GINS2: variants seen among roughly 807,000 people sequenced by gnomAD.
GINS2 encodes GINS complex subunit 2, also known as DNA replication complex GINS protein PSF2.
In GINS2, 23 loss-of-function variants were observed where a neutral mutation model predicts 21.2. That is an observed-to-expected ratio of 1.08 (90% CI 0.78 to 1.53). The LOEUF is 1.53. Ranked by LOEUF, GINS2 falls within the 40% of genes most tolerant of loss-of-function variation. GINS2 has a pLI of 0.00. For synonymous variants in GINS2, 118 were observed against 85.6 expected (o/e 1.38, Z -2.09); for missense variants, 323 against 233.9 (o/e 1.38, Z -2.49).
chr16:85,678,098 C>T lies in GINS2; in HGVS notation c.*114G>A. 2.2e-6 allele frequency: 2 copies of T among 891,260 alleles called. No individual in the cohort carries two copies. The highest frequency in any genetic ancestry group is 3.5e-6 in the Non-Finnish European group (2 of 567,068). The allele number at this position is 891,260 out of a possible 1,614,324, so 55.2% of individuals were successfully genotyped here. The stretch of plus-strand genomic sequence containing the variant: ...CAACATCCTGAATCCATTCCTTGCA[C>T]CATCACACATTTTTCATGCATCAGA... On this transcript the variant is annotated 3_prime_UTR_variant, in exon 5 of 5. Transcript: ENST00000253462.
chr16:85,676,753 G>A lies in GINS2; in HGVS notation c.*1459C>T, dbSNP rs1333275271. ...GCTTGCAATCCCAGTGCTTTGGGAG[G>A]CTGTGGTGGGAGAACTGTGTGAACC... On this transcript the variant is annotated 3_prime_UTR_variant, in exon 5 of 5. Coordinates refer to ENST00000253462, the MANE Select transcript of GINS2 (RefSeq NM_016095.3). 6.6e-6 allele frequency: 1 copy of A among 152,260 alleles called. No homozygotes were observed. Among genetic ancestry groups the A allele is most frequent in the African/African-American group, 2.4e-5 (1 of 41,446 alleles). 9.4% of individuals were successfully genotyped at this position (152,260 alleles called of 1,614,324 possible).
chr16:85,681,715 T>C (rs752785186), intron 2 of GINS2, 34 bp from the exon 3 acceptor site: 49 of 1,293,446 alleles, frequency 3.8e-5, no homozygotes, highest in Non-Finnish European at 5.0e-5. Flanking sequence ...TTTACCATCA[T>C]TATAACCAAG....
rs769107284 is a variant in GINS2, at chr16:85,688,910, C to G, written c.-12G>C. ...TCGGCAGCGTCCATGGCGGCGCGAG[C>G]TGCAGGCCAGAGCCTCACGGTCTCC... On this transcript the variant is annotated 5_prime_UTR_variant, in exon 1 of 5. Coordinates refer to ENST00000253462, the MANE Select transcript of GINS2 (RefSeq NM_016095.3). 1.3e-6 allele frequency: 2 copies of G among 1,532,612 alleles called. No homozygotes were observed. The highest frequency in any genetic ancestry group is 1.8e-6 in the Non-Finnish European group (2 of 1,136,360). 94.9% of individuals were successfully genotyped at this position (1,532,612 alleles called of 1,614,324 possible).
At chr16:85,682,921 T>C (rs936722425) in intron 2 of GINS2, among the ~76,000 whole-genome samples, 5 of 151,874 alleles carry the variant, frequency 3.3e-5, no homozygotes, top group African/African-American at 1.2e-4. Context: ...CTACTCACCC[T>C]CTCTTCACTG....
At chr16:85,687,704 A>G in intron 1 of GINS2, 130 bp from the exon 2 acceptor site, 1 of 562,574 alleles carries the variant, frequency 1.8e-6, no homozygotes, top group South Asian at 2.6e-5. Flanking sequence ...ATAAAAACCC[A>G]ACTGTTACCA....
At chr16:85,684,583 G>T (rs551417277) in intron 2 of GINS2, among the ~76,000 whole-genome samples, 12 of 152,088 alleles carry the variant, frequency 7.9e-5, no homozygotes, top group African/African-American at 2.7e-4. Context: ...ATGTAGTATG[G>T]AGAGTACCCA....
At chr16:85,685,677 A>AAAAC in intron 2 of GINS2, among the ~76,000 whole-genome samples, 1 of 147,280 alleles carries the variant, frequency 6.8e-6, no homozygotes, top group Non-Finnish European at 1.5e-5. Context: ...TCTCAAAAAA[A>AAAAC]AAAAAAAAAA....
chr16:85,679,779 C>A (rs56244744), intron 3 of GINS2, among the ~76,000 whole-genome samples: 5 of 152,224 alleles, frequency 3.3e-5, no homozygotes, highest in African/African-American at 1.2e-4. Flanking sequence ...TAGATCCTCT[C>A]CCTTCCAGCT....
chr16:85,681,466 G>A, intron 3 of GINS2, 116 bp downstream of exon 3: 2 of 659,528 alleles, frequency 3.0e-6, no homozygotes, highest in East Asian at 5.5e-5. Flanking sequence ...AGGGCGGCCA[G>A]TGTTGCCACT....
At chr16:85,685,805 G>T (rs962597861) in intron 2 of GINS2, among the ~76,000 whole-genome samples, 2 of 151,624 alleles carry the variant, frequency 1.3e-5, no homozygotes, top group African/African-American at 4.8e-5. Flanking sequence ...GTCTTAAACG[G>T]ACCCCAGAGT....
At position 85,677,572 on chromosome 16, in the gene GINS2, T is replaced by A. The variant is rs534646905; in HGVS notation, c.*640A>T. On this transcript the variant is annotated 3_prime_UTR_variant, in exon 5 of 5. Coordinates refer to ENST00000253462, the MANE Select transcript of GINS2 (RefSeq NM_016095.3). ...CAGGTGTTGGTCTGCAGTTTCCACT[T>A]AACTGCCGTGTGCCTCAGTTTCGTT... 6.6e-6 allele frequency: 1 copy of A among 152,410 alleles called. No homozygotes were observed. The highest frequency in any genetic ancestry group is 2.4e-5 in the African/African-American group (1 of 41,568). The allele number at this position is 152,410 out of a possible 1,614,324, so 9.4% of individuals were successfully genotyped here.
chr16:85,685,679 A>AACAAAAAAAAAAAAAAAC (rs2053769433), intron 2 of GINS2, among the ~76,000 whole-genome samples: 1 of 144,154 alleles, frequency 6.9e-6, no homozygotes, highest in African/African-American at 2.8e-5. Context: ...TCAAAAAAAA[A>AACAAAAAAAAAAAAAAAC]AAAAAAAAAA....
At chr16:85,679,003 G>T (rs2053710166) in intron 3 of GINS2, among the ~76,000 whole-genome samples, 1 of 152,138 alleles carries the variant, frequency 6.6e-6, no homozygotes, top group African/African-American at 2.4e-5. Flanking sequence ...CCATCTACAA[G>T]GAATCAGTTT....
intron 2 of GINS2, 22 bp from the exon 3 acceptor site, chr16:85,681,703 A>G: frequency 7.2e-7 from 1 of 1,394,350 alleles, no homozygotes; most frequent in Non-Finnish European, 1.0e-6. Flanking sequence ...AAGTTAATAC[A>G]TTTTACCATC....
At chr16:85,680,300 C>T (rs1312979480) in intron 3 of GINS2, among the ~76,000 whole-genome samples, 1 of 152,206 alleles carries the variant, frequency 6.6e-6, no homozygotes, top group Non-Finnish European at 1.5e-5. Flanking sequence ...CCCAACTTTT[C>T]CTTTAAATTC....
At chr16:85,682,412 G>C (rs1216725446) in intron 2 of GINS2, among the ~76,000 whole-genome samples, 3 of 151,820 alleles carry the variant, frequency 2.0e-5, no homozygotes. Flanking sequence ...TACAAAACTA[G>C]AGCCACCCCA....
chr16:85,678,258 C>T lies in GINS2; in HGVS notation c.512G>A (p.Arg171His), dbSNP rs753172890. The change falls in exon 5 of 5, where the codon CGC becomes CAC. Residue 171 changes from arginine to histidine, a missense_variant. By Grantham distance (29) the Arg-to-His change is conservative. Coordinates refer to ENST00000253462, the MANE Select transcript of GINS2 (RefSeq NM_016095.3). The stretch of plus-strand genomic sequence containing the variant: ...ACTCTCCAGAGGCTGGAGGTTCGTG[C>T]GGAGTTTGTACATGTGGTTGAGCGC... ...TQALNHMYKLRTNLQPLESTQ... is the reference protein window; with the variant it reads ...TQALNHMYKLHTNLQPLESTQ... 31 of 1,612,942 alleles carry T rather than the reference C, an allele frequency of 1.9e-5. No homozygotes were observed. In the East Asian group the frequency reaches 2.5e-4, roughly 13 times the overall value.
At position 85,687,819 on chromosome 16, in the gene GINS2, G is replaced by A. The variant is rs915133839; in HGVS notation, c.91-245C>T. On this transcript the variant is annotated intron_variant, in intron 1 of 4. Transcript: ENST00000253462. ...CAGGATGCAAGTCTCCCCTGAGTGG[G>A]TGGGGGGCGCTCCCTCTCCCGCCTG... The A allele has an allele frequency of 3.0e-5, 11 of 371,668 alleles. 1 individual carries two copies. The Middle Eastern group carries it at 4.2e-3, about 142-fold the overall frequency. The allele number at this position is 371,668 out of a possible 1,614,324, so 23.0% of individuals were successfully genotyped here.
chr16:85,682,019 GC>G (rs1290545022), intron 2 of GINS2, among the ~76,000 whole-genome samples: 2 of 116,712 alleles, frequency 1.7e-5, no homozygotes, highest in Admixed American at 9.1e-5. Context: ...TACCTTTACC[GC>G]CTTTTTTTTT....
Sources: gnomAD v4.1 joint callset for allele counts (sites outside exome capture counted in the v4.1 genomes callset) on GRCh38, gnomAD v4.1.1 for gene constraint, MANE v1.5 for transcripts, NCBI Gene and HGNC (gene_info 2026-07-23, HGNC 2026-07-21) for gene names.